The following ELMO1 variants were observed in gnomAD, a reference collection of about 807,000 sequenced individuals.
ELMO1 encodes the protein engulfment and cell motility protein 1.
In ELMO1, 26 loss-of-function variants were observed where a neutral mutation model predicts 98.9. The observed-to-expected ratio is 0.26, with a 90% CI of 0.19 to 0.36. ELMO1 has a LOEUF of 0.36. Ranked by LOEUF, ELMO1 falls within the 10% of genes least tolerant of loss-of-function variation. The probability of loss-of-function intolerance (pLI) is 1.00; values close to 1 mark genes in which losing one functional copy is unlikely to be tolerated. For synonymous variants in ELMO1, 346 were observed against 346.0 expected (o/e 1.00, Z 0.00); for missense variants, 627 against 935.2 (o/e 0.67, Z 4.30).
intron 16 of ELMO1, among the ~76,000 whole-genome samples, chr7:36,918,073 A>G (rs1369832395): frequency 6.6e-6 from 1 of 152,228 alleles, no homozygotes; most frequent in African/African-American, 2.4e-5. Context: ...TAGTTCTAGC[A>G]TATTAGGTGG....
chr7:37,358,628 A>G (rs1249060269), intron 1 of ELMO1, among the ~76,000 whole-genome samples: 1 of 152,204 alleles, frequency 6.6e-6, no homozygotes, highest in Admixed American at 6.5e-5. Flanking sequence ...CTGGACACCT[A>G]AAAAATCTTA....
chr7:37,152,881 T>C (rs1463994204), intron 13 of ELMO1, among the ~76,000 whole-genome samples: 3 of 152,204 alleles, frequency 2.0e-5, no homozygotes, highest in East Asian at 3.9e-4. Context: ...TTTTGTATAA[T>C]GTGTATAAGC....
chr7:37,325,367 T>C (rs751931805), intron 2 of ELMO1, among the ~76,000 whole-genome samples: 5 of 152,218 alleles, frequency 3.3e-5, no homozygotes, highest in Non-Finnish European at 5.9e-5. Flanking sequence ...GAACATTGAT[T>C]AAAAACCTAT....
intron 5 of ELMO1, among the ~76,000 whole-genome samples, chr7:37,266,442 A>C (rs1299676804): frequency 6.6e-6 from 1 of 152,200 alleles, no homozygotes; most frequent in Non-Finnish European, 1.5e-5. Context: ...AAGAGTAGAA[A>C]GCAAGGATTA....
intron 16 of ELMO1, among the ~76,000 whole-genome samples, chr7:36,959,715 C>A (rs1416493370): frequency 6.6e-6 from 1 of 152,240 alleles, no homozygotes; most frequent in Non-Finnish European, 1.5e-5. Context: ...CTCACTCACT[C>A]TGTCACCCAG....
At chr7:36,946,060 A>G (rs1487600204) in intron 16 of ELMO1, among the ~76,000 whole-genome samples, 1 of 152,240 alleles carries the variant, frequency 6.6e-6, no homozygotes, top group African/African-American at 2.4e-5. Context: ...CAGCAGAGGT[A>G]GCCTGAGCTG....
At chr7:37,211,104 T>C (rs932204703) in intron 13 of ELMO1, 13 of 296,748 alleles carry the variant, frequency 4.4e-5, no homozygotes, top group Non-Finnish European at 1.9e-5. Flanking sequence ...ATAGATTTAA[T>C]GAAGTCGAGA....
intron 13 of ELMO1, among the ~76,000 whole-genome samples, chr7:37,169,356 G>A (rs1013317987): frequency 1.8e-4 from 28 of 152,126 alleles, no homozygotes; most frequent in African/African-American, 5.6e-4. Flanking sequence ...AATGACCTGC[G>A]CCCACTGTCT....
intron 15 of ELMO1, among the ~76,000 whole-genome samples, chr7:37,084,004 C>A (rs1187105870): frequency 6.6e-6 from 1 of 152,156 alleles, no homozygotes; most frequent in Non-Finnish European, 1.5e-5. Context: ...TGAGAGCTGT[C>A]TGGAGGCAGT....
chr7:37,020,614 T>G (rs1328162068), intron 15 of ELMO1, among the ~76,000 whole-genome samples: 1 of 152,134 alleles, frequency 6.6e-6, no homozygotes. Context: ...AATACACATT[T>G]TGAGATGCTG....
chr7:37,250,393 G>A (rs1052503242), intron 6 of ELMO1, among the ~76,000 whole-genome samples: 2 of 151,994 alleles, frequency 1.3e-5, no homozygotes, highest in Admixed American at 6.6e-5. Flanking sequence ...TATAAAAAAC[G>A]ATATTCATCA....
intron 1 of ELMO1, among the ~76,000 whole-genome samples, chr7:37,432,601 T>C (rs965632089): frequency 6.6e-6 from 1 of 152,224 alleles, no homozygotes; most frequent in Non-Finnish European, 1.5e-5. Context: ...AAAAATAATA[T>C]GCAATTATAG....
intron 1 of ELMO1, among the ~76,000 whole-genome samples, chr7:37,447,716 ACACACACACAC>A (rs1293873049): frequency 5.6e-5 from 1 of 17,892 alleles, no homozygotes; most frequent in African/African-American, 9.0e-5. Flanking sequence ...CGCACACACC[ACACACACACAC>A]ACACACACAC....
intron 15 of ELMO1, among the ~76,000 whole-genome samples, chr7:37,020,230 T>C (rs1340845107): frequency 6.6e-6 from 1 of 152,176 alleles, no homozygotes; most frequent in Non-Finnish European, 1.5e-5. Flanking sequence ...TCCAGCAGTC[T>C]CCATATACAT....
At chr7:37,052,241 G>A (rs17421492) in intron 15 of ELMO1, among the ~76,000 whole-genome samples, 281 of 152,248 alleles carry the variant, frequency 1.8e-3, no homozygotes, top group Non-Finnish European at 2.7e-3. Flanking sequence ...ACTCCAGACA[G>A]GCCAAGTTCA....
At chr7:37,385,380 C>T (rs1277048336) in intron 1 of ELMO1, among the ~76,000 whole-genome samples, 1 of 152,210 alleles carries the variant, frequency 6.6e-6, no homozygotes, top group Non-Finnish European at 1.5e-5. Context: ...TATTCCCCAG[C>T]AGGCCAAGCA....
rs993115798 is a variant in ELMO1, at chr7:37,279,657, G to A, written c.193-7775C>T. On this transcript the variant is annotated intron_variant, in intron 4 of 21. Transcript: ENST00000310758. ...AGAGACGGGAGAGAAATACAGGGTA[G>A]AGGAAGCAGCAGAAAGGTCCTGGGA... 6.6e-5 allele frequency among the ~76,000 whole-genome samples: 10 copies of A among 152,330 alleles called. No individual in the cohort carries two copies. In the East Asian group the frequency reaches 1.2e-3, roughly 18 times the overall value.
At chr7:36,937,002 G>GAT (rs1786592502) in intron 16 of ELMO1, among the ~76,000 whole-genome samples, 4 of 152,096 alleles carry the variant, frequency 2.6e-5, no homozygotes, top group Admixed American at 2.6e-4. Flanking sequence ...GTTTTATTCG[G>GAT]GCACAGGGAC....
At chr7:37,382,126 C>T (rs1802605896) in intron 1 of ELMO1, among the ~76,000 whole-genome samples, 1 of 152,138 alleles carries the variant, frequency 6.6e-6, no homozygotes, top group South Asian at 2.1e-4. Context: ...TTAAGGCAAT[C>T]TCAGAAACAC....
Sources: allele counts gnomAD v4.1 joint callset (sites outside exome capture counted in the v4.1 genomes callset), GRCh38; gene constraint gnomAD v4.1.1; transcripts MANE v1.5; gene names NCBI Gene and HGNC (gene_info 2026-07-23, HGNC 2026-07-21).